Variants in EYS observed in about 807,000 individuals in gnomAD.
The protein encoded by EYS is protein eyes shut homolog.
In EYS, 250 loss-of-function variants were observed where a neutral mutation model predicts 282.1. The observed-to-expected ratio is 0.89, with a 90% CI of 0.80 to 0.98. The LOEUF (loss-of-function observed/expected upper bound fraction) is 0.98. Among genes scored for constraint, EYS ranks in the 50% least tolerant of loss-of-function variants. The probability of loss-of-function intolerance (pLI) is 0.00; values close to 1 mark genes in which losing one functional copy is unlikely to be tolerated. For missense variants in EYS, 4,016 were observed against 3,709.0 expected, an observed-to-expected ratio of 1.08 and a Z score of -2.15; for synonymous variants, 1,355 against 1,282.9, an observed-to-expected ratio of 1.06 and a Z score of -1.20.
intron 35 of EYS, among the ~76,000 whole-genome samples, chr6:63,924,295 AT>A (rs1235593794): frequency 6.6e-6 from 1 of 152,214 alleles, no homozygotes; most frequent in Non-Finnish European, 1.5e-5. Context: ...ACTCAGTTTA[AT>A]ACCAGTTTCT....
intron 21 of EYS, among the ~76,000 whole-genome samples, chr6:64,818,844 C>T (rs1764817848): frequency 6.6e-6 from 1 of 152,100 alleles, no homozygotes; most frequent in Non-Finnish European, 1.5e-5. Flanking sequence ...ATATTAATCT[C>T]CTTTGGCAAT....
At chr6:63,956,328 C>T (rs1241366510) in intron 35 of EYS, among the ~76,000 whole-genome samples, 9 of 152,120 alleles carry the variant, frequency 5.9e-5, no homozygotes, top group Admixed American at 3.3e-4. Context: ...TTGTGACCAC[C>T]GCCCCTGCCT....
chr6:64,285,599 A>G (rs895702900), intron 30 of EYS, among the ~76,000 whole-genome samples: 1 of 151,982 alleles, frequency 6.6e-6, no homozygotes, highest in African/African-American at 2.4e-5. Flanking sequence ...GCAGCACCCT[A>G]CTCTACTGGT....
intron 31 of EYS, among the ~76,000 whole-genome samples, chr6:64,092,705 C>A (rs1412392694): frequency 6.6e-6 from 1 of 151,538 alleles, no homozygotes; most frequent in Non-Finnish European, 1.5e-5. Context: ...TTGTAGGTTG[C>A]CTGTTCACTC....
At chr6:65,570,677 C>T (rs929475665) in intron 2 of EYS, among the ~76,000 whole-genome samples, 9 of 152,208 alleles carry the variant, frequency 5.9e-5, no homozygotes, top group Middle Eastern at 3.4e-3. Context: ...TTAAGATAAA[C>T]AGAGATGGAC....
chr6:64,500,931 T>G, intron 26 of EYS, among the ~76,000 whole-genome samples: 1 of 152,092 alleles, frequency 6.6e-6, no homozygotes, highest in East Asian at 1.9e-4. Context: ...AGCTCCAATT[T>G]ACTTATTACG....
intron 41 of EYS, among the ~76,000 whole-genome samples, chr6:63,755,368 A>G (rs545111346): frequency 7.0e-4 from 106 of 152,236 alleles, no homozygotes; most frequent in Non-Finnish European, 8.5e-4. Context: ...TTTTCCCAGA[A>G]CCATTTATTA....
At chr6:65,301,327 C>G (rs1223434231) in intron 11 of EYS, among the ~76,000 whole-genome samples, 1 of 152,216 alleles carries the variant, frequency 6.6e-6, no homozygotes, top group Non-Finnish European at 1.5e-5. Flanking sequence ...AACCCCGTCT[C>G]TACCAAAGAT....
chr6:65,003,450 A>G (rs1025139494), intron 13 of EYS, among the ~76,000 whole-genome samples: 2 of 147,362 alleles, frequency 1.4e-5, no homozygotes, highest in Non-Finnish European at 3.0e-5. Context: ...AGCAATTTTA[A>G]TTTCACCTCA....
intron 30 of EYS, 129 bp downstream of exon 30, chr6:64,306,841 A>C: frequency 1.6e-6 from 1 of 623,848 alleles, no homozygotes; most frequent in East Asian, 2.9e-5. Context: ...AGTAGAACGT[A>C]GGAATGTGAA....
intron 22 of EYS, among the ~76,000 whole-genome samples, chr6:64,656,845 G>A (rs1309438214): frequency 2.0e-5 from 3 of 152,150 alleles, no homozygotes; most frequent in Admixed American, 6.6e-5. Flanking sequence ...ACAGTTTGCT[G>A]GAAATTGGCT....
intron 31 of EYS, among the ~76,000 whole-genome samples, chr6:64,208,229 G>A (rs1332913984): frequency 6.6e-6 from 1 of 152,084 alleles, no homozygotes; most frequent in Non-Finnish European, 1.5e-5. Flanking sequence ...TATATAACCG[G>A]TATTTATAGT....
chr6:65,472,132 A>C (rs1290790985), intron 5 of EYS, among the ~76,000 whole-genome samples: 3 of 152,140 alleles, frequency 2.0e-5, no homozygotes, highest in Non-Finnish European at 4.4e-5. Flanking sequence ...GATACACTGC[A>C]ATATGTATTT....
At chr6:65,466,036 G>C (rs1764987430) in intron 5 of EYS, among the ~76,000 whole-genome samples, 1 of 152,058 alleles carries the variant, frequency 6.6e-6, no homozygotes, top group African/African-American at 2.4e-5. Context: ...ACAATTTTGA[G>C]AAAGAAGAAA....
At chr6:65,236,357 A>G (rs568716229) in intron 12 of EYS, among the ~76,000 whole-genome samples, 1 of 152,304 alleles carries the variant, frequency 6.6e-6, no homozygotes, top group Admixed American at 6.5e-5. Flanking sequence ...CATGCCTGTA[A>G]TCCCAGAACT....
intron 31 of EYS, among the ~76,000 whole-genome samples, chr6:64,086,498 A>G (rs1772162083): frequency 6.6e-6 from 1 of 152,136 alleles, no homozygotes; most frequent in Admixed American, 6.5e-5. Context: ...CTACACATAC[A>G]TATCTCCTGC....
At chr6:65,021,118 A>T (rs1163988701) in intron 13 of EYS, among the ~76,000 whole-genome samples, 1 of 152,150 alleles carries the variant, frequency 6.6e-6, no homozygotes, top group Non-Finnish European at 1.5e-5. Context: ...GGTGATTAAC[A>T]TTCTGCTCCT....
chr6:64,001,574 C>T (rs562176933), intron 33 of EYS, among the ~76,000 whole-genome samples: 5 of 152,030 alleles, frequency 3.3e-5, no homozygotes, highest in African/African-American at 9.6e-5. Context: ...TTTAGAAGAC[C>T]TGCCCAAATG....
At chr6:64,000,944 C>T (rs1222479192) in intron 33 of EYS, among the ~76,000 whole-genome samples, 1 of 152,108 alleles carries the variant, frequency 6.6e-6, no homozygotes, top group Non-Finnish European at 1.5e-5. Flanking sequence ...AGACAAGATC[C>T]TGCCAAATTG....
Sources: gnomAD v4.1 joint callset for allele counts (sites outside exome capture counted in the v4.1 genomes callset) on GRCh38, gnomAD v4.1.1 for gene constraint, MANE v1.5 for transcripts, NCBI Gene and HGNC (gene_info 2026-07-23, HGNC 2026-07-21) for gene names.